The following ARHGAP42 variants were observed in gnomAD, a reference collection of about 807,000 sequenced individuals.
ARHGAP42 encodes Rho GTPase activating protein 42, also known as rho GTPase-activating protein 42.
Under a neutral mutation model 125.0 loss-of-function variants are expected in ARHGAP42, and 63 were observed. The ratio of observed to expected loss-of-function variants is 0.50; its 90% CI spans 0.41 to 0.62. The LOEUF (loss-of-function observed/expected upper bound fraction) is 0.62, where lower values mean the gene tolerates loss of function less well. Ranked by LOEUF, ARHGAP42 falls within the 20% of genes least tolerant of loss-of-function variation. The pLI is 0.00. For synonymous variants in ARHGAP42, 339 were observed against 351.0 expected, an observed-to-expected ratio of 0.97 and a Z score of 0.38; for missense variants, 766 against 1,024.2, an observed-to-expected ratio of 0.75 and a Z score of 3.44.
rs768783424 is a variant in ARHGAP42, at chr11:100,992,505, A to C, written c.*3704A>C. 7 of 1,614,092 alleles carry C rather than the reference A, an allele frequency of 4.3e-6. No individual in the cohort carries two copies. The Middle Eastern group carries it at 5.0e-4, about 114-fold the overall frequency. Reference sequence around the variant, plus strand: ...AAAATCAAGACACTTTTAAGAAACAAAGATAGTTTTCTGAACATTCTGTGT... The same window carrying C: ...AAAATCAAGACACTTTTAAGAAACACAGATAGTTTTCTGAACATTCTGTGT... On this transcript the variant is annotated 3_prime_UTR_variant, in exon 24 of 24. Transcript: ENST00000298815.
intron 3 of ARHGAP42, among the ~76,000 whole-genome samples, chr11:100,798,323 A>T (rs1325579741): frequency 6.6e-6 from 1 of 152,204 alleles, no homozygotes; most frequent in African/African-American, 2.4e-5. Flanking sequence ...GCTACAGAGA[A>T]ATTTTCTGTG....
chr11:100,963,070 A>G (rs1353507339), intron 16 of ARHGAP42, among the ~76,000 whole-genome samples: 1 of 152,196 alleles, frequency 6.6e-6, no homozygotes, highest in African/African-American at 2.4e-5. Context: ...GACAAATACC[A>G]GTTTCTTTTA....
At chr11:100,974,723 T>A (rs887451191) in intron 19 of ARHGAP42, 120 bp downstream of exon 19, 1 of 1,038,600 alleles carries the variant, frequency 9.6e-7, no homozygotes, top group African/African-American at 1.6e-5. Flanking sequence ...CCCCAACACC[T>A]CCTCTTTTAT....
chr11:100,778,816 G>A (rs966602941), intron 2 of ARHGAP42, among the ~76,000 whole-genome samples: 3 of 152,144 alleles, frequency 2.0e-5, no homozygotes, highest in Non-Finnish European at 4.4e-5. Flanking sequence ...AACTTGTCAT[G>A]TCACAAGCCT....
intron 1 of ARHGAP42, among the ~76,000 whole-genome samples, chr11:100,744,171 A>G (rs1015481475): frequency 3.4e-4 from 51 of 152,098 alleles, no homozygotes; most frequent in African/African-American, 1.2e-3. Flanking sequence ...GGGTTTCACC[A>G]TGTTGGCCAG....
chr11:100,762,978 T>G (rs1862743180), intron 1 of ARHGAP42, among the ~76,000 whole-genome samples: 1 of 78,218 alleles, frequency 1.3e-5, no homozygotes. Flanking sequence ...TGATTTTTTT[T>G]TTTTTTTTTT....
rs1255287003 is a variant in ARHGAP42, at chr11:100,687,368, C to T, written c.-311C>T. ...GCGCCGTGAGAGAAACTTTCCTGCT[C>T]CGGCCGCGGCCCGGAGCCTCGCCGC... is the stretch of plus-strand genomic sequence containing the variant. On this transcript the variant is annotated 5_prime_UTR_variant, in exon 1 of 24. Transcript: ENST00000298815. Among the ~76,000 whole-genome samples, 1 of 152,062 alleles carries T rather than the reference C, an allele frequency of 6.6e-6. No homozygotes were observed. Among genetic ancestry groups the T allele is most frequent in the Non-Finnish European group, 1.5e-5 (1 of 67,980 alleles).
At chr11:100,753,858 C>T (rs1298292473) in intron 1 of ARHGAP42, among the ~76,000 whole-genome samples, 1 of 152,230 alleles carries the variant, frequency 6.6e-6, no homozygotes, top group East Asian at 1.9e-4. Context: ...TGGAGACTTA[C>T]AGTTTTTCCA....
chr11:100,861,956 C>G (rs1865454904), intron 4 of ARHGAP42, among the ~76,000 whole-genome samples: 1 of 152,134 alleles, frequency 6.6e-6, no homozygotes, highest in Admixed American at 6.5e-5. Context: ...CCAAAGAACT[C>G]TCTCAACACT....
intron 10 of ARHGAP42, among the ~76,000 whole-genome samples, chr11:100,947,326 A>G (rs1484265444): frequency 1.3e-5 from 2 of 151,896 alleles, no homozygotes; most frequent in Non-Finnish European, 2.9e-5. Flanking sequence ...TGAACTATTT[A>G]TTAGTTTTAA....
intron 1 of ARHGAP42, among the ~76,000 whole-genome samples, chr11:100,741,615 T>C (rs1862188810): frequency 6.6e-6 from 1 of 152,132 alleles, no homozygotes; most frequent in African/African-American, 2.4e-5. Flanking sequence ...TCTAAATTAT[T>C]GGCATACCAG....
At chr11:100,803,208 T>G (rs1863904721) in intron 3 of ARHGAP42, among the ~76,000 whole-genome samples, 1 of 78,464 alleles carries the variant, frequency 1.3e-5, no homozygotes, top group African/African-American at 4.9e-5. Context: ...AGATCCAATC[T>G]CTACTAAAAA....
At chr11:100,965,635 A>G (rs1565298146) in intron 16 of ARHGAP42, 36 bp from the exon 17 acceptor site, 5 of 1,508,002 alleles carry the variant, frequency 3.3e-6, no homozygotes, top group Non-Finnish European at 4.5e-6. Context: ...GAATGGAATT[A>G]AAACTTGAGC....
rs1858905420 is a variant in ARHGAP42, at chr11:100,993,842, C to T, written c.*5041C>T. ...ATACATATGCCAACATGTAAATAACCTCATGTTTATTCCTAATCTAAATTG... is the reference window on the plus strand; with the variant it reads ...ATACATATGCCAACATGTAAATAACTTCATGTTTATTCCTAATCTAAATTG... On this transcript the variant is annotated 3_prime_UTR_variant, in exon 24 of 24. Transcript: ENST00000298815. 1 of 166,874 alleles carries T rather than the reference C, an allele frequency of 6.0e-6. No individual in the cohort carries two copies. The highest frequency in any genetic ancestry group is 1.5e-5 in the Non-Finnish European group (1 of 68,084). The allele number at this position is 166,874 out of a possible 1,614,324, so 10.3% of individuals were successfully genotyped here. A position where few individuals can be genotyped will look rare whatever the true frequency, so the allele number is the denominator to read the frequency against.
At chr11:100,959,847 C>T (rs750708813) in intron 12 of ARHGAP42, 36 bp from the exon 13 acceptor site, 3 of 1,541,618 alleles carry the variant, frequency 1.9e-6, no homozygotes, top group Non-Finnish European at 1.8e-6. Flanking sequence ...GTGAGTTCAG[C>T]GTAAACACCT....
At chr11:100,975,949 C>A in intron 19 of ARHGAP42, 108 bp from the exon 20 acceptor site, 2 of 1,260,694 alleles carry the variant, frequency 1.6e-6, no homozygotes, top group Non-Finnish European at 2.1e-6. Context: ...TTAATGGGGT[C>A]AGGTGGCCGC....
intron 3 of ARHGAP42, among the ~76,000 whole-genome samples, chr11:100,818,016 C>T (rs527821009): frequency 6.6e-6 from 1 of 152,242 alleles, no homozygotes; most frequent in East Asian, 1.9e-4. Flanking sequence ...TTGTAAATTG[C>T]AAACCATTCA....
chr11:100,859,697 C>G, intron 4 of ARHGAP42, 72 bp downstream of exon 4: 1 of 1,226,444 alleles, frequency 8.2e-7, no homozygotes, highest in East Asian at 2.8e-5. Context: ...CAGATGTTAA[C>G]ATTTTTGAAA....
At chr11:100,856,390 A>G (rs561987937) in intron 3 of ARHGAP42, among the ~76,000 whole-genome samples, 3 of 152,112 alleles carry the variant, frequency 2.0e-5, no homozygotes, top group Admixed American at 2.0e-4. Context: ...AGTTTAATCC[A>G]TATGAGTGAC....
Sources: allele counts gnomAD v4.1 joint callset (sites outside exome capture counted in the v4.1 genomes callset), GRCh38; gene constraint gnomAD v4.1.1; transcripts MANE v1.5; gene names NCBI Gene and HGNC (gene_info 2026-07-23, HGNC 2026-07-21).